The following IREB2 variants were observed in gnomAD, a reference collection of about 807,000 sequenced individuals.
The protein encoded by IREB2 is iron responsive element binding protein 2, also known as iron-responsive element-binding protein 2.
In IREB2, 39 loss-of-function variants were observed where a neutral mutation model predicts 118.8. The ratio of observed to expected loss-of-function variants is 0.33; its 90% CI spans 0.25 to 0.43. The LOEUF (loss-of-function observed/expected upper bound fraction) is 0.43, where lower values mean the gene tolerates loss of function less well. Among genes scored for constraint, IREB2 ranks in the 20% least tolerant of loss-of-function variants. The pLI, the probability that IREB2 is intolerant of heterozygous loss-of-function variation, is 1.00. For missense variants in IREB2, 900 were observed against 1,147.3 expected (o/e 0.78, Z 3.11); for synonymous variants, 372 against 392.2 (o/e 0.95, Z 0.61).
intron 9 of IREB2, chr15:78,476,613 A>G (rs1384760077): frequency 7.7e-6 from 2 of 261,100 alleles, no homozygotes; most frequent in Middle Eastern, 1.3e-3. Context: ...TTTCCCCATA[A>G]TGATGGATAC....
intron 4 of IREB2, 56 bp downstream of exon 4, chr15:78,465,444 G>T (rs778274026): frequency 6.9e-7 from 1 of 1,455,966 alleles, no homozygotes; most frequent in Non-Finnish European, 9.4e-7. Context: ...CTGGAAATGT[G>T]TCATGTAGAG....
intron 2 of IREB2, among the ~76,000 whole-genome samples, chr15:78,442,155 C>A (rs1567160177): frequency 6.6e-6 from 1 of 152,186 alleles, no homozygotes; most frequent in African/African-American, 2.4e-5. Context: ...CTCAGCCTCT[C>A]AAAGTGCTGG....
intron 11 of IREB2, 109 bp downstream of exon 11, chr15:78,483,543 T>TAAAATAAGGG: frequency 1.5e-6 from 1 of 665,140 alleles, no homozygotes; most frequent in African/African-American, 1.8e-5. Flanking sequence ...TTATATATTA[T>TAAAATAAGGG]GGCACACACC....
intron 12 of IREB2, 59 bp downstream of exon 12, chr15:78,484,979 G>T (rs752982753): frequency 1.1e-5 from 16 of 1,494,554 alleles, no homozygotes; most frequent in African/African-American, 1.4e-5. Context: ...TGGCTTTTCT[G>T]TTATTGTAAC....
In IREB2 at chr15:78,498,182, G is replaced by A. The variant is rs765115729; in HGVS notation, c.*39G>A. 2.5e-6 allele frequency: 3 copies of A among 1,176,560 alleles called. No individual in the cohort carries two copies. In the East Asian group the frequency reaches 7.1e-5, roughly 28 times the overall value. The allele number at this position is 1,176,560 out of a possible 1,614,324, so 72.9% of individuals were successfully genotyped here. A position where few individuals can be genotyped will look rare whatever the true frequency, so the allele number is the denominator to read the frequency against. On this transcript the variant is annotated 3_prime_UTR_variant, in exon 22 of 22. Coordinates refer to ENST00000258886, the MANE Select transcript of IREB2 (RefSeq NM_004136.4). Reference sequence around the variant, plus strand: ...TAGATACCTTTCATAACTGGTAACTGCAAAGCCTTTTGTGCTGGACCCAGG... The same window carrying A: ...TAGATACCTTTCATAACTGGTAACTACAAAGCCTTTTGTGCTGGACCCAGG...
intron 6 of IREB2, among the ~76,000 whole-genome samples, chr15:78,471,530 A>G (rs1363196712): frequency 6.6e-6 from 1 of 152,166 alleles, no homozygotes; most frequent in Non-Finnish European, 1.5e-5. Flanking sequence ...GACTTTTTGA[A>G]CATTTTTATT....
chr15:78,459,163 C>A (rs570361978), intron 2 of IREB2, among the ~76,000 whole-genome samples: 5 of 152,096 alleles, frequency 3.3e-5, no homozygotes, highest in Non-Finnish European at 7.4e-5. Flanking sequence ...TAATTGTCAG[C>A]CATTTATCAG....
rs1832873411 is a variant in IREB2, at chr15:78,463,039, A to G, written c.224A>G (p.Asn75Ser). The G allele has an allele frequency of 6.2e-7, 1 of 1,610,922 alleles. No homozygotes were observed. The highest frequency in any genetic ancestry group is 8.5e-7 in the Non-Finnish European group (1 of 1,179,294). The change falls in exon 3 of 22, where the codon AAT becomes AGT. Residue 75 changes from asparagine to serine, a missense_variant. Asn to Ser is a conservative substitution (Grantham distance 46). Coordinates refer to ENST00000258886, the MANE Select transcript of IREB2 (RefSeq NM_004136.4). ...NILDWKTKQS[N>S]VEVPFFPARV... ...TTAGACTGGAAAACCAAACAAAGCA[A>G]TGTTGAAGTGCCCTTTTTCCCTGCC... is the stretch of plus-strand genomic sequence containing the variant.
At chr15:78,466,201 GT>G (rs955860886) in intron 4 of IREB2, 69 bp from the exon 5 acceptor site, 144 of 991,918 alleles carry the variant, frequency 1.5e-4, no homozygotes, top group African/African-American at 3.8e-4. Context: ...GCTAATGTGC[GT>G]TTTTTTTTAA....
chr15:78,438,015 C>A (rs1358065188), upstream of IREB2, among the ~76,000 whole-genome samples: 3 of 152,238 alleles, frequency 2.0e-5, no homozygotes, highest in African/African-American at 7.2e-5. Context: ...AAACTAGCCA[C>A]GCCAACGCCC....
At chr15:78,488,053 A>G (rs2051690104) in intron 14 of IREB2, 127 bp from the exon 15 acceptor site, 1 of 837,002 alleles carries the variant, frequency 1.2e-6, no homozygotes, top group Admixed American at 3.1e-5. Flanking sequence ...TTCTATATTT[A>G]AAAATTAGTA....
chr15:78,446,911 T>G (rs2050938910), intron 2 of IREB2, among the ~76,000 whole-genome samples: 1 of 151,934 alleles, frequency 6.6e-6, no homozygotes, highest in African/African-American at 2.4e-5. Context: ...GAAGAATATG[T>G]GTTTCTGCAC....
intron 13 of IREB2, among the ~76,000 whole-genome samples, chr15:78,486,264 G>A (rs552615459): frequency 6.6e-6 from 1 of 152,264 alleles, no homozygotes; most frequent in South Asian, 2.1e-4. Flanking sequence ...AGGTTATTGG[G>A]TCTATAATAC....
At chr15:78,470,271 G>C (rs2051353433) in intron 5 of IREB2, among the ~76,000 whole-genome samples, 1 of 152,126 alleles carries the variant, frequency 6.6e-6, no homozygotes, top group Non-Finnish European at 1.5e-5. Context: ...TATCACTTGA[G>C]TACAGTTTTG....
intron 3 of IREB2, 86 bp from the exon 4 acceptor site, chr15:78,465,165 A>C: frequency 1.8e-6 from 2 of 1,103,434 alleles, no homozygotes; most frequent in Non-Finnish European, 2.6e-6. Flanking sequence ...ATACTTTTTA[A>C]AATATGAAAA....
chr15:78,478,755 G>A (rs1448321861), intron 10 of IREB2, among the ~76,000 whole-genome samples: 2 of 152,140 alleles, frequency 1.3e-5, no homozygotes, highest in African/African-American at 2.4e-5. Context: ...GACCACCTGG[G>A]TTTGAATCCC....
intron 16 of IREB2, 141 bp from the exon 17 acceptor site, chr15:78,490,281 C>A: frequency 1.9e-6 from 1 of 529,520 alleles, no homozygotes; most frequent in Non-Finnish European, 3.4e-6. Flanking sequence ...TCTTAATTTT[C>A]TTTCCAAATG....
At chr15:78,445,043 T>C (rs1030445059) in intron 2 of IREB2, among the ~76,000 whole-genome samples, 2 of 152,210 alleles carry the variant, frequency 1.3e-5, no homozygotes, top group African/African-American at 4.8e-5. Flanking sequence ...TATCATTATA[T>C]AGAATTGTTG....
At chr15:78,486,186 T>C (rs1192531044) in intron 13 of IREB2, among the ~76,000 whole-genome samples, 1 of 152,150 alleles carries the variant, frequency 6.6e-6, no homozygotes, top group African/African-American at 2.4e-5. Context: ...TGTAGGTCAG[T>C]TCAAAAAAGA....
Sources: gnomAD v4.1 joint callset for allele counts (sites outside exome capture counted in the v4.1 genomes callset) on GRCh38, gnomAD v4.1.1 for gene constraint, MANE v1.5 for transcripts, NCBI Gene and HGNC (gene_info 2026-07-23, HGNC 2026-07-21) for gene names.